UBE2R2: variants seen among roughly 807,000 people sequenced by gnomAD.
The protein encoded by UBE2R2 is ubiquitin-conjugating enzyme E2 R2.
Under a neutral mutation model 27.8 loss-of-function variants are expected in UBE2R2, and 1 was observed. The observed-to-expected ratio is 0.04, with a 90% CI of 0.01 to 0.17. UBE2R2 has a LOEUF of 0.17. UBE2R2 is among the 10% of genes least tolerant of loss of function. The probability of loss-of-function intolerance (pLI) is 1.00; values close to 1 mark genes in which losing one functional copy is unlikely to be tolerated. For missense variants in UBE2R2, 100 were observed against 291.0 expected (o/e 0.34, Z 4.78); for synonymous variants, 106 against 113.3 (o/e 0.94, Z 0.41).
chr9:33,920,231 T>C lies in UBE2R2; in HGVS notation c.*2994T>C, dbSNP rs1476389990. On this transcript the variant is annotated 3_prime_UTR_variant, in exon 5 of 5. Transcript: ENST00000263228. ...GAAACCAGCAGGACACACCTGACTT[T>C]AATAGTTTTAGCTGAAATTGTAGAT... 6.6e-6 allele frequency: 1 copy of C among 151,668 alleles called. No homozygotes were observed. Among genetic ancestry groups the C allele is most frequent in the African/African-American group, 2.5e-5 (1 of 40,518 alleles). 9.4% of individuals were successfully genotyped at this position (151,668 alleles called of 1,614,324 possible).
chr9:33,886,329 TGTGA>T (rs1205594242), intron 1 of UBE2R2, among the ~76,000 whole-genome samples: 2 of 151,450 alleles, frequency 1.3e-5, no homozygotes, highest in South Asian at 2.1e-4. Flanking sequence ...TGTTTGTGTA[TGTGA>T]GTGAGTGTGA....
chr9:33,844,051 T>C (rs1315196652), intron 1 of UBE2R2, among the ~76,000 whole-genome samples: 1 of 152,184 alleles, frequency 6.6e-6, no homozygotes, highest in Non-Finnish European at 1.5e-5. Context: ...GATCCCAAGC[T>C]CAAAAAATTG....
chr9:33,881,030 T>C (rs1821721894), intron 1 of UBE2R2, among the ~76,000 whole-genome samples: 1 of 152,232 alleles, frequency 6.6e-6, no homozygotes, highest in Non-Finnish European at 1.5e-5. Context: ...TATCTTCAAC[T>C]GTAATTATGC....
At chr9:33,840,293 A>G (rs1820703202) in intron 1 of UBE2R2, among the ~76,000 whole-genome samples, 1 of 152,034 alleles carries the variant, frequency 6.6e-6, no homozygotes, top group Non-Finnish European at 1.5e-5. Flanking sequence ...AAAAATAACC[A>G]CTACTTCACT....
At chr9:33,905,037 C>G (rs1457496788) in intron 3 of UBE2R2, among the ~76,000 whole-genome samples, 1 of 152,040 alleles carries the variant, frequency 6.6e-6, no homozygotes, top group Non-Finnish European at 1.5e-5. Flanking sequence ...GTAGCAAAGC[C>G]CTCAGACTTT....
intron 1 of UBE2R2, among the ~76,000 whole-genome samples, chr9:33,860,518 C>G (rs1271669665): frequency 6.6e-6 from 1 of 152,144 alleles, no homozygotes; most frequent in African/African-American, 2.4e-5. Flanking sequence ...GGTTGTATGA[C>G]ATCAGATTTT....
chr9:33,825,916 G>A (rs1820305895), intron 1 of UBE2R2, among the ~76,000 whole-genome samples: 1 of 152,140 alleles, frequency 6.6e-6, no homozygotes, highest in Admixed American at 6.6e-5. Flanking sequence ...GCGGAGGTGG[G>A]CAGATCACTT....
intron 3 of UBE2R2, among the ~76,000 whole-genome samples, chr9:33,904,151 G>A (rs1233475630): frequency 1.3e-5 from 2 of 152,136 alleles, no homozygotes; most frequent in African/African-American, 4.8e-5. Context: ...TTTTGTTTCT[G>A]TGTTCACTTG....
At chr9:33,879,881 T>G (rs1269851919) in intron 1 of UBE2R2, among the ~76,000 whole-genome samples, 4 of 150,450 alleles carry the variant, frequency 2.7e-5, no homozygotes, top group Non-Finnish European at 4.4e-5. Flanking sequence ...TTTTGTTTGT[T>G]TGTTTGGTTT....
At chr9:33,861,208 C>T (rs1821228268) in intron 1 of UBE2R2, among the ~76,000 whole-genome samples, 1 of 150,744 alleles carries the variant, frequency 6.6e-6, no homozygotes, top group African/African-American at 2.4e-5. Flanking sequence ...GATCCGCCCG[C>T]CTCGGCCTCC....
chr9:33,906,733 A>G (rs188987730), intron 3 of UBE2R2, among the ~76,000 whole-genome samples: 322 of 152,244 alleles, frequency 2.1e-3, no homozygotes, highest in Middle Eastern at 6.8e-3. Flanking sequence ...CTAATTTCCA[A>G]TTTCCCTTAA....
intron 1 of UBE2R2, among the ~76,000 whole-genome samples, chr9:33,861,651 C>T (rs1821238727): frequency 6.6e-6 from 1 of 151,774 alleles, no homozygotes; most frequent in African/African-American, 2.4e-5. Context: ...ACAACAGTAT[C>T]TGACAGTCTT....
rs1215471653 is a variant in UBE2R2, at chr9:33,890,751, A to C, written c.264+3784A>C. Among the ~76,000 whole-genome samples, 3 of 152,332 alleles carry C rather than the reference A, an allele frequency of 2.0e-5. No individual in the cohort carries two copies. In the East Asian group the frequency reaches 5.8e-4, roughly 29 times the overall value. On this transcript the variant is annotated intron_variant, in intron 2 of 4. Transcript: ENST00000263228. Reference sequence around the variant, plus strand: ...CTTGAACCCAGGAGGCAGAGGTTGCAGTGAGCTGAGATCATGCCACTGTAC... The same window carrying C: ...CTTGAACCCAGGAGGCAGAGGTTGCCGTGAGCTGAGATCATGCCACTGTAC...
At chr9:33,816,201 T>C (rs551977031), upstream of UBE2R2, among the ~76,000 whole-genome samples, 104 of 151,488 alleles carry the variant, frequency 6.9e-4, no homozygotes, top group African/African-American at 2.5e-3. Flanking sequence ...CTGGCTTTTC[T>C]AGGAAATGTT....
intron 1 of UBE2R2, among the ~76,000 whole-genome samples, chr9:33,828,394 CTTTTTT>C (rs200771475): frequency 1.5e-5 from 2 of 135,426 alleles, no homozygotes; most frequent in Admixed American, 7.4e-5. Flanking sequence ...TCTCTTAAAA[CTTTTTT>C]TTTTTTTTTT....
intron 1 of UBE2R2, among the ~76,000 whole-genome samples, chr9:33,862,762 GA>G (rs1317842922): frequency 6.6e-6 from 1 of 152,040 alleles, no homozygotes; most frequent in Admixed American, 6.6e-5. Context: ...ATAACGCTTT[GA>G]AAAAAATTTT....
chr9:33,878,588 A>C (rs148460637), intron 1 of UBE2R2, among the ~76,000 whole-genome samples: 4 of 152,316 alleles, frequency 2.6e-5, no homozygotes, highest in African/African-American at 9.6e-5. Flanking sequence ...ACTGCACTCC[A>C]GCCTGGTTGA....
At chr9:33,858,810 G>A (rs1821161396) in intron 1 of UBE2R2, among the ~76,000 whole-genome samples, 1 of 151,492 alleles carries the variant, frequency 6.6e-6, no homozygotes, top group African/African-American at 2.4e-5. Flanking sequence ...TTATGGAGGA[G>A]TTTGTTTTGT....
At chr9:33,825,352 C>T (rs1323612908) in intron 1 of UBE2R2, among the ~76,000 whole-genome samples, 2 of 151,476 alleles carry the variant, frequency 1.3e-5, no homozygotes, top group African/African-American at 4.9e-5. Flanking sequence ...AGCAATTCTC[C>T]TCCTCAGCTT....
Sources: allele counts gnomAD v4.1 joint callset (sites outside exome capture counted in the v4.1 genomes callset), GRCh38; gene constraint gnomAD v4.1.1; transcripts MANE v1.5; gene names NCBI Gene and HGNC (gene_info 2026-07-23, HGNC 2026-07-21).